The following ARL6IP6 variants were observed in gnomAD, a reference collection of about 807,000 sequenced individuals.
ARL6IP6 encodes the protein ADP-ribosylation factor-like protein 6-interacting protein 6.
A neutral mutation model predicts 21.5 loss-of-function variants in ARL6IP6; 22 were observed. The observed-to-expected ratio is 1.02, with a 90% CI of 0.73 to 1.46. The LOEUF (loss-of-function observed/expected upper bound fraction) is 1.46. Ranked by LOEUF, ARL6IP6 falls within the 40% of genes most tolerant of loss-of-function variation. The pLI, the probability that ARL6IP6 is intolerant of heterozygous loss-of-function variation, is 0.00. For synonymous variants in ARL6IP6, 164 were observed against 125.3 expected, an observed-to-expected ratio of 1.31 and a Z score of -2.06; for missense variants, 388 against 299.8, an observed-to-expected ratio of 1.29 and a Z score of -2.17.
chr2:152,720,358 A>G (rs1246564185), intron 1 of ARL6IP6, 175 bp from the exon 2 acceptor site: 2 of 646,004 alleles, frequency 3.1e-6, no homozygotes, highest in East Asian at 2.7e-5. Flanking sequence ...TTAGTGGTCA[A>G]CACATTAATT....
At chr2:152,735,793 CTAAAT>C (rs895361656) in intron 3 of ARL6IP6, among the ~76,000 whole-genome samples, 5 of 147,632 alleles carry the variant, frequency 3.4e-5, no homozygotes, top group African/African-American at 1.3e-4. Context: ...AGACAAGAAA[CTAAAT>C]TATATTAAAT....
At chr2:152,746,174 C>A (rs1453085202) in intron 3 of ARL6IP6, among the ~76,000 whole-genome samples, 1 of 152,004 alleles carries the variant, frequency 6.6e-6, no homozygotes, top group Admixed American at 6.6e-5. Flanking sequence ...TGCGCCACCA[C>A]ATCTGGCTAA....
At chr2:152,720,105 A>ATGGAATGT in intron 1 of ARL6IP6, 1 of 340,540 alleles carries the variant, frequency 2.9e-6, no homozygotes. Flanking sequence ...CCTTTTTTGC[A>ATGGAATGT]ATTCTGATAG....
chr2:152,736,462 C>G (rs1700556257), intron 3 of ARL6IP6, among the ~76,000 whole-genome samples: 1 of 152,202 alleles, frequency 6.6e-6, no homozygotes, highest in African/African-American at 2.4e-5. Flanking sequence ...AATATCCACC[C>G]ATTTCACTCA....
At position 152,760,478 on chromosome 2, in the gene ARL6IP6, A is replaced by C. The variant is rs1574079603; in HGVS notation, c.*638A>C. 1 of 152,130 alleles carries C rather than the reference A, an allele frequency of 6.6e-6. No individual in the cohort carries two copies. Among genetic ancestry groups the C allele is most frequent in the Middle Eastern group, 3.4e-3 (1 of 292 alleles). 9.4% of individuals were successfully genotyped at this position (152,130 alleles called of 1,614,324 possible). On this transcript the variant is annotated 3_prime_UTR_variant, in exon 4 of 4. Coordinates refer to ENST00000326446, the MANE Select transcript of ARL6IP6 (RefSeq NM_152522.7). ...AATTGTTACATCTAGACAACTGTAA[A>C]CATTATTTTTTTAGCTAGTGCAAAC... is the stretch of plus-strand genomic sequence containing the variant.
chr2:152,721,150 T>C (rs570815455), intron 2 of ARL6IP6, among the ~76,000 whole-genome samples: 1 of 152,172 alleles, frequency 6.6e-6, no homozygotes, highest in Non-Finnish European at 1.5e-5. Context: ...CACACACTAG[T>C]AATACATTTT....
chr2:152,735,244 C>T, intron 3 of ARL6IP6, 118 bp downstream of exon 3: 1 of 1,068,102 alleles, frequency 9.4e-7, no homozygotes, highest in Non-Finnish European at 1.3e-6. Flanking sequence ...CTTTATAAAG[C>T]ACTAATAACA....
chr2:152,722,517 A>G (rs528957914), intron 2 of ARL6IP6, among the ~76,000 whole-genome samples: 1 of 152,240 alleles, frequency 6.6e-6, no homozygotes, highest in Non-Finnish European at 1.5e-5. Context: ...GTATTATAAC[A>G]TATGGATAGA....
chr2:152,737,708 C>T (rs900296204), intron 3 of ARL6IP6, among the ~76,000 whole-genome samples: 6 of 152,142 alleles, frequency 3.9e-5, no homozygotes, highest in Admixed American at 1.3e-4. Context: ...ATTATGAGAA[C>T]AGCAGCATGG....
At chr2:152,718,006 C>G, upstream of ARL6IP6, 1 of 992,086 alleles carries the variant, frequency 1.0e-6, no homozygotes, top group Non-Finnish European at 1.2e-6. Flanking sequence ...GTGGAGAGCG[C>G]GCGCCTGGGG....
chr2:152,734,802 C>T (rs991447383), intron 2 of ARL6IP6, among the ~76,000 whole-genome samples, 192 bp from the exon 3 acceptor site: 23 of 152,148 alleles, frequency 1.5e-4, no homozygotes, highest in African/African-American at 5.6e-4. Flanking sequence ...GATATGACTT[C>T]TAGTTGTGCT....
At chr2:152,726,321 G>C (rs1339772129) in intron 2 of ARL6IP6, among the ~76,000 whole-genome samples, 1 of 152,080 alleles carries the variant, frequency 6.6e-6, no homozygotes, top group Admixed American at 6.6e-5. Context: ...TCGGGCGATT[G>C]GGTGAAGGCC....
At chr2:152,755,248 C>T (rs541790867) in intron 3 of ARL6IP6, among the ~76,000 whole-genome samples, 6 of 152,266 alleles carry the variant, frequency 3.9e-5, no homozygotes, top group African/African-American at 1.2e-4. Flanking sequence ...CATGGTCTAG[C>T]GGTAGCGTCA....
intron 3 of ARL6IP6, among the ~76,000 whole-genome samples, chr2:152,739,051 TG>T (rs1700684887): frequency 6.6e-6 from 1 of 151,914 alleles, no homozygotes; most frequent in Non-Finnish European, 1.5e-5. Flanking sequence ...GGCGTGATCT[TG>T]GCTCACTGCA....
intron 2 of ARL6IP6, among the ~76,000 whole-genome samples, chr2:152,722,889 C>CA (rs1699859076): frequency 1.3e-5 from 2 of 152,162 alleles, no homozygotes; most frequent in Non-Finnish European, 1.5e-5. Context: ...TCCTCAGCAA[C>CA]AGAGCAAGAC....
upstream of ARL6IP6, chr2:152,717,949 C>G (rs887378842): frequency 4.0e-6 from 4 of 1,003,334 alleles, no homozygotes; most frequent in African/African-American, 1.7e-5. Context: ...GCGGGGAAGG[C>G]GAAAGGAGGG....
In ARL6IP6 at chr2:152,761,152, C is replaced by G. The variant is rs955088382; in HGVS notation, c.*1312C>G. ...TTAATTATCTACTGAATGTTGTTAC[C>G]GACTAAACAAGGTTTCTAAAAGTCT... On this transcript the variant is annotated 3_prime_UTR_variant, in exon 4 of 4. Transcript: ENST00000326446. The G allele has an allele frequency of 6.6e-6, 1 of 152,028 alleles. No homozygotes were observed. The highest frequency in any genetic ancestry group is 1.5e-5 in the Non-Finnish European group (1 of 67,990). The allele number at this position is 152,028 out of a possible 1,614,324, so 9.4% of individuals were successfully genotyped here.
At chr2:152,726,236 A>T (rs1440289392) in intron 2 of ARL6IP6, among the ~76,000 whole-genome samples, 1 of 152,140 alleles carries the variant, frequency 6.6e-6, no homozygotes, top group Non-Finnish European at 1.5e-5. Context: ...CAGTCACTTA[A>T]TCTGTCAGAG....
intron 3 of ARL6IP6, among the ~76,000 whole-genome samples, chr2:152,740,450 G>A (rs547848668): frequency 1.3e-5 from 2 of 152,070 alleles, no homozygotes; most frequent in East Asian, 1.9e-4. Context: ...CTTAGATTAT[G>A]TACTTATTAA....
Sources: allele counts gnomAD v4.1 joint callset (sites outside exome capture counted in the v4.1 genomes callset), GRCh38; gene constraint gnomAD v4.1.1; transcripts MANE v1.5; gene names NCBI Gene and HGNC (gene_info 2026-07-23, HGNC 2026-07-21).